The following ANO2 variants were observed in gnomAD, a reference collection of about 807,000 sequenced individuals.
ANO2 encodes the protein anoctamin 2, also known as anoctamin-2.
Under a neutral mutation model 124.2 loss-of-function variants are expected in ANO2, and 101 were observed. That is an observed-to-expected ratio of 0.81 (90% CI 0.69 to 0.96). The LOEUF is 0.96. Among genes scored for constraint, ANO2 ranks in the 40% least tolerant of loss-of-function variants. The pLI is 0.00. For missense variants in ANO2, 1,293 were observed against 1,274.5 expected, an observed-to-expected ratio of 1.01 and a Z score of -0.22; for synonymous variants, 486 against 482.5, an observed-to-expected ratio of 1.01 and a Z score of -0.09.
rs1198181305 is a variant in ANO2, at chr12:5,563,451, C to T, written c.2845G>A (p.Glu949Lys). The change falls in exon 25 of 25, where the codon GAG becomes AAG. Residue 949 changes from glutamate (E) to lysine (K), a missense_variant. By Grantham distance (56) the Glu-to-Lys change is moderately conservative (BLOSUM62 1). Coordinates refer to ENST00000682330, the MANE Select transcript of ANO2 (RefSeq NM_001364791.2). ...SLLVDFFLKE[E>K]HEKLKLMDEP... ...TCCATCAGCTTGAGCTTCTCATGCT[C>T]CTCTTTCAGGAAGAAATCCACTAAT... 2.5e-6 allele frequency: 4 copies of T among 1,613,862 alleles called. No individual in the cohort carries two copies. Among genetic ancestry groups the T allele is most frequent in the Non-Finnish European group, 3.4e-6 (4 of 1,179,850 alleles).
intron 1 of ANO2, among the ~76,000 whole-genome samples, chr12:5,924,929 T>A (rs1942010265): frequency 6.6e-6 from 1 of 152,202 alleles, no homozygotes; most frequent in African/African-American, 2.4e-5. Context: ...CAGATATTTT[T>A]TGGTTTACAT....
chr12:5,899,238 G>A (rs188040702), intron 3 of ANO2, among the ~76,000 whole-genome samples: 4 of 152,274 alleles, frequency 2.6e-5, no homozygotes, highest in African/African-American at 9.6e-5. Context: ...CACCTCAGAG[G>A]ACTAGAGACT....
intron 14 of ANO2, among the ~76,000 whole-genome samples, chr12:5,659,439 C>A (rs995184424): frequency 6.6e-6 from 1 of 152,158 alleles, no homozygotes; most frequent in African/African-American, 2.4e-5. Context: ...GCCCCGTGGA[C>A]TCACCTATGA....
intron 1 of ANO2, among the ~76,000 whole-genome samples, chr12:5,929,377 C>G (rs1436746554): frequency 4.3e-5 from 3 of 69,402 alleles, no homozygotes; most frequent in African/African-American, 6.7e-5. Context: ...TAGTCACTCT[C>G]TTACCAGTCT....
At chr12:5,928,376 C>T (rs1942186589) in intron 1 of ANO2, among the ~76,000 whole-genome samples, 1 of 152,106 alleles carries the variant, frequency 6.6e-6, no homozygotes, top group African/African-American at 2.4e-5. Flanking sequence ...CGCACTCTCC[C>T]AGGCTTCTGC....
chr12:5,645,524 ATATT>A (rs1437084021), intron 15 of ANO2, among the ~76,000 whole-genome samples: 4 of 152,192 alleles, frequency 2.6e-5, no homozygotes, highest in African/African-American at 7.2e-5. Flanking sequence ...ATTTCTATAT[ATATT>A]TATTTCTAGC....
At chr12:5,937,482 G>A (rs1942699339) in intron 1 of ANO2, among the ~76,000 whole-genome samples, 1 of 152,056 alleles carries the variant, frequency 6.6e-6, no homozygotes, top group Non-Finnish European at 1.5e-5. Context: ...ATACACAGTT[G>A]CCAAATATTT....
At chr12:5,807,590 A>C (rs1282484512) in intron 7 of ANO2, among the ~76,000 whole-genome samples, 1 of 152,228 alleles carries the variant, frequency 6.6e-6, no homozygotes, top group Non-Finnish European at 1.5e-5. Context: ...AATATCAAAT[A>C]TGCTGTCTCA....
At chr12:5,780,387 A>T (rs1952353995) in intron 10 of ANO2, among the ~76,000 whole-genome samples, 1 of 152,192 alleles carries the variant, frequency 6.6e-6, no homozygotes, top group African/African-American at 2.4e-5. Flanking sequence ...ATTGTTTCAA[A>T]ATAAAAAGTA....
At chr12:5,824,739 A>G (rs1802659439) in intron 7 of ANO2, among the ~76,000 whole-genome samples, 2 of 152,176 alleles carry the variant, frequency 1.3e-5, no homozygotes, top group African/African-American at 4.8e-5. Flanking sequence ...TTACTGTAAT[A>G]GTCCATTTTC....
At chr12:5,815,492 C>T (rs985368485) in intron 7 of ANO2, among the ~76,000 whole-genome samples, 4 of 152,030 alleles carry the variant, frequency 2.6e-5, no homozygotes, top group Admixed American at 1.3e-4. Context: ...CTACATAAGA[C>T]GCCTTTATGT....
At chr12:5,786,807 C>T (rs540288183) in intron 10 of ANO2, among the ~76,000 whole-genome samples, 3 of 152,304 alleles carry the variant, frequency 2.0e-5, no homozygotes, top group East Asian at 3.9e-4. Flanking sequence ...GGGCAAGTGA[C>T]TTGTCTACTC....
intron 1 of ANO2, among the ~76,000 whole-genome samples, chr12:5,934,211 C>T (rs1942554660): frequency 6.6e-6 from 1 of 152,164 alleles, no homozygotes; most frequent in Non-Finnish European, 1.5e-5. Context: ...GATGAGGAAA[C>T]TGAAGCACAG....
intron 3 of ANO2, among the ~76,000 whole-genome samples, chr12:5,892,485 C>T (rs964773232): frequency 1.3e-5 from 2 of 152,098 alleles, no homozygotes; most frequent in Non-Finnish European, 2.9e-5. Context: ...CTAGACACAT[C>T]ATAATCAAAG....
chr12:5,750,057 A>G (rs928008854), intron 11 of ANO2, among the ~76,000 whole-genome samples: 2 of 151,924 alleles, frequency 1.3e-5, no homozygotes, highest in African/African-American at 4.8e-5. Context: ...CAGCCTCCCA[A>G]TTAGCTGGGA....
chr12:5,687,895 T>C (rs546603736), intron 14 of ANO2, among the ~76,000 whole-genome samples: 2 of 152,156 alleles, frequency 1.3e-5, no homozygotes, highest in Admixed American at 1.3e-4. Flanking sequence ...GGAGGTCAGG[T>C]CCAATGTCCC....
At chr12:5,837,095 T>G (rs1324465353) in intron 4 of ANO2, among the ~76,000 whole-genome samples, 2 of 152,130 alleles carry the variant, frequency 1.3e-5, no homozygotes, top group Non-Finnish European at 2.9e-5. Context: ...GGTCTGGTTT[T>G]GGTAGAAATA....
chr12:5,945,397 C>T (rs998336039), upstream of ANO2: 7 of 547,286 alleles, frequency 1.3e-5, no homozygotes, highest in Non-Finnish European at 1.4e-5. Flanking sequence ...GCCCAGCTCT[C>T]CCCGCTGCGC....
chr12:5,712,245 C>T (rs953074055), intron 14 of ANO2, among the ~76,000 whole-genome samples: 3 of 151,936 alleles, frequency 2.0e-5, no homozygotes, highest in Non-Finnish European at 2.9e-5. Context: ...ATGATAGGCC[C>T]GGGTTCTAAC....
Sources: allele counts gnomAD v4.1 joint callset (sites outside exome capture counted in the v4.1 genomes callset), GRCh38; gene constraint gnomAD v4.1.1; transcripts MANE v1.5; gene names NCBI Gene and HGNC (gene_info 2026-07-23, HGNC 2026-07-21).